LPP: variants seen among roughly 807,000 people sequenced by gnomAD.
LPP encodes the protein lipoma-preferred partner.
Under a neutral mutation model 60.4 loss-of-function variants are expected in LPP, and 38 were observed. That is an observed-to-expected ratio of 0.63 (90% confidence interval 0.49 to 0.83). LPP has a LOEUF of 0.83. Among genes scored for constraint, LPP ranks in the 40% least tolerant of loss-of-function variants. The pLI is 0.00. For synonymous variants in LPP, 328 were observed against 290.8 expected, an observed-to-expected ratio of 1.13 and a Z score of -1.30; for missense variants, 902 against 783.6, an observed-to-expected ratio of 1.15 and a Z score of -1.80.
chr3:188,439,809 C>T (rs1045200072), intron 4 of LPP, among the ~76,000 whole-genome samples: 2 of 152,120 alleles, frequency 1.3e-5, no homozygotes, highest in Non-Finnish European at 2.9e-5. Flanking sequence ...CACTATATTA[C>T]CAAGTTAACC....
At chr3:188,764,120 A>G (rs948378511) in intron 9 of LPP, among the ~76,000 whole-genome samples, 4 of 152,170 alleles carry the variant, frequency 2.6e-5, no homozygotes, top group Non-Finnish European at 5.9e-5. Flanking sequence ...TTGAAAGCCT[A>G]GTTTTGGTTA....
chr3:188,590,561 A>G (rs1193306418), intron 6 of LPP, among the ~76,000 whole-genome samples: 1 of 152,184 alleles, frequency 6.6e-6, no homozygotes, highest in African/African-American at 2.4e-5. Context: ...ACAACACAGC[A>G]AGGCTGTGTT....
chr3:188,601,752 A>G lies in LPP; in HGVS notation c.430-7409A>G, dbSNP rs144593921. ...AGTCAGATTTAAGAAATGCTTTTCT[A>G]AATGTGTGGTATTATGTTTATATAT... On this transcript the variant is annotated intron_variant, in intron 6 of 11. Coordinates refer to ENST00000617246, the MANE Select transcript of LPP (RefSeq NM_001375462.1). 1.2e-4 allele frequency among the ~76,000 whole-genome samples: 18 copies of G among 152,238 alleles called. No individual in the cohort carries two copies. In the East Asian group the frequency reaches 3.5e-3, roughly 29 times the overall value.
intron 4 of LPP, among the ~76,000 whole-genome samples, chr3:188,410,422 A>G (rs1227120146): frequency 1.3e-5 from 2 of 152,128 alleles, no homozygotes; most frequent in East Asian, 3.9e-4. Flanking sequence ...AAATACCCAC[A>G]TGTTTTCCAC....
At chr3:188,367,171 C>G (rs1771454977) in intron 3 of LPP, among the ~76,000 whole-genome samples, 2 of 152,062 alleles carry the variant, frequency 1.3e-5, no homozygotes, top group African/African-American at 4.8e-5. Context: ...GCTGGGATTA[C>G]AGGCGTGAGC....
chr3:188,453,342 C>T (rs567727572), intron 4 of LPP, among the ~76,000 whole-genome samples: 1 of 152,210 alleles, frequency 6.6e-6, no homozygotes, highest in South Asian at 2.1e-4. Flanking sequence ...TCACTCCGAT[C>T]ACCCAGGCTG....
chr3:188,213,641 T>C (rs1712189816), intron 1 of LPP, among the ~76,000 whole-genome samples: 1 of 152,152 alleles, frequency 6.6e-6, no homozygotes, highest in Non-Finnish European at 1.5e-5. Context: ...TATGAGGCTC[T>C]TTTCTTTTCT....
At chr3:188,276,695 TTCTC>T (rs768545804) in intron 2 of LPP, among the ~76,000 whole-genome samples, 230 of 16,380 alleles carry the variant, frequency 0.014, 3 homozygotes, top group South Asian at 0.086. Context: ...CTCTCTCTCT[TTCTC>T]TCTCTCTCTC....
chr3:188,485,260 T>C (rs1806008407), intron 5 of LPP, among the ~76,000 whole-genome samples: 3 of 152,130 alleles, frequency 2.0e-5, no homozygotes, highest in Admixed American at 2.0e-4. Context: ...CGAGTGGTAA[T>C]TGCAAAGTAA....
chr3:188,303,335 T>A (rs1750533571), intron 2 of LPP, among the ~76,000 whole-genome samples: 2 of 152,212 alleles, frequency 1.3e-5, no homozygotes, highest in South Asian at 2.1e-4. Flanking sequence ...TACTAAAATG[T>A]CCCTGAAAAT....
chr3:188,403,454 A>C (rs1462038653), intron 3 of LPP, among the ~76,000 whole-genome samples: 1 of 152,254 alleles, frequency 6.6e-6, no homozygotes, highest in Non-Finnish European at 1.5e-5. Flanking sequence ...AGCCATTTTA[A>C]AAATTATAAT....
chr3:188,538,798 A>G (rs1012691291), intron 6 of LPP, among the ~76,000 whole-genome samples: 18 of 152,244 alleles, frequency 1.2e-4, no homozygotes, highest in African/African-American at 4.3e-4. Context: ...CAGTTGGTGA[A>G]TGGATAAACA....
chr3:188,818,551 A>C (rs1239194924), intron 9 of LPP, among the ~76,000 whole-genome samples: 1 of 152,178 alleles, frequency 6.6e-6, no homozygotes, highest in African/African-American at 2.4e-5. Context: ...GCAAAAATAT[A>C]AAGTAGTTTG....
At chr3:188,599,751 G>GAGGGGTGTGTGTGT (rs1553938530) in intron 6 of LPP, among the ~76,000 whole-genome samples, 91 of 139,906 alleles carry the variant, frequency 6.5e-4, no homozygotes, top group African/African-American at 2.3e-3. Context: ...ACTCGTTAGG[G>GAGGGGTGTGTGTGT]GTGTGTGTGT....
At chr3:188,400,735 C>G (rs916486509) in intron 3 of LPP, among the ~76,000 whole-genome samples, 4 of 152,176 alleles carry the variant, frequency 2.6e-5, no homozygotes, top group South Asian at 2.1e-4. Flanking sequence ...CAGAGCCTCT[C>G]TGGAAATCTT....
At chr3:188,475,429 A>T (rs1459784792) in intron 4 of LPP, among the ~76,000 whole-genome samples, 2 of 152,202 alleles carry the variant, frequency 1.3e-5, no homozygotes, top group Non-Finnish European at 2.9e-5. Context: ...GTTTTTTAAA[A>T]AAATGCATGC....
At chr3:188,622,475 A>G (rs1845980269) in intron 7 of LPP, among the ~76,000 whole-genome samples, 2 of 152,262 alleles carry the variant, frequency 1.3e-5, no homozygotes, top group South Asian at 4.1e-4. Context: ...AGCCAAGCAT[A>G]TATTAGTTTC....
chr3:188,812,986 A>G (rs1751489620), intron 9 of LPP, among the ~76,000 whole-genome samples: 1 of 152,108 alleles, frequency 6.6e-6, no homozygotes, highest in African/African-American at 2.4e-5. Flanking sequence ...TAATAAAAGG[A>G]TTGATCAGTG....
chr3:188,698,496 C>A lies in LPP; in HGVS notation c.1114-9771C>A, dbSNP rs1435170681. ...AGATCTTCTCACCCCACCGAGAAAA[C>A]TCGCTTTCTCCTTTACGGAGGGCCC... On this transcript the variant is annotated intron_variant, in intron 7 of 11. Coordinates refer to ENST00000617246, the MANE Select transcript of LPP (RefSeq NM_001375462.1). Among the ~76,000 whole-genome samples the A allele has an allele frequency of 8.5e-5, 13 of 152,164 alleles. No homozygotes were observed. The East Asian group carries it at 2.5e-3, about 29-fold the overall frequency.
Sources: gnomAD v4.1 joint callset for allele counts (sites outside exome capture counted in the v4.1 genomes callset) on GRCh38, gnomAD v4.1.1 for gene constraint, MANE v1.5 for transcripts, NCBI Gene and HGNC (gene_info 2026-07-23, HGNC 2026-07-21) for gene names.